NR3C2: variants seen among roughly 807,000 people sequenced by gnomAD.
NR3C2 encodes the protein nuclear receptor subfamily 3 group C member 2, also known as mineralocorticoid receptor.
In NR3C2, 15 loss-of-function variants were observed where a neutral mutation model predicts 86.4. The observed-to-expected ratio is 0.17, with a 90% CI of 0.12 to 0.27. The LOEUF (loss-of-function observed/expected upper bound fraction) is 0.27, where lower values mean the gene tolerates loss of function less well. Among genes scored for constraint, NR3C2 ranks in the 10% least tolerant of loss-of-function variants. The pLI, the probability that NR3C2 is intolerant of heterozygous loss-of-function variation, is 1.00. For missense variants in NR3C2, 960 were observed against 1,195.6 expected, an observed-to-expected ratio of 0.80 and a Z score of 2.91; for synonymous variants, 458 against 450.5, an observed-to-expected ratio of 1.02 and a Z score of -0.21.
At chr4:148,293,992 A>G (rs189308403) in intron 2 of NR3C2, among the ~76,000 whole-genome samples, 16 of 152,274 alleles carry the variant, frequency 1.1e-4, no homozygotes, top group Non-Finnish European at 1.9e-4. Flanking sequence ...CTTGTACTCA[A>G]AGCTGCTCTT....
intron 3 of NR3C2, among the ~76,000 whole-genome samples, chr4:148,255,307 CATAAAT>C (rs1266289127): frequency 6.6e-6 from 1 of 152,176 alleles, no homozygotes; most frequent in African/African-American, 2.4e-5. Context: ...AATACACAAT[CATAAAT>C]TTAAAGATCT....
In NR3C2 at chr4:148,440,073, G is replaced by A. The variant is rs964810569; in HGVS notation, c.-3+2087C>T. Reference sequence around the variant, plus strand: ...TGAAATCTAAATTACTTTGTTTAAGGTATTCTCATCTACCAACCTAATGCA... The same window carrying A: ...TGAAATCTAAATTACTTTGTTTAAGATATTCTCATCTACCAACCTAATGCA... On this transcript the variant is annotated intron_variant, in intron 1 of 8. Transcript: ENST00000358102. Among the ~76,000 whole-genome samples the A allele has an allele frequency of 5.3e-5, 8 of 152,256 alleles. No homozygotes were observed. In the South Asian group the frequency reaches 1.7e-3, roughly 32 times the overall value.
chr4:148,243,677 G>GA (rs1173754636), intron 3 of NR3C2, among the ~76,000 whole-genome samples: 3 of 152,138 alleles, frequency 2.0e-5, no homozygotes, highest in African/African-American at 7.2e-5. Flanking sequence ...TAACAGCTCA[G>GA]AACAGAGCTC....
At chr4:148,388,212 G>A (rs982592697) in intron 2 of NR3C2, among the ~76,000 whole-genome samples, 4 of 152,140 alleles carry the variant, frequency 2.6e-5, no homozygotes, top group African/African-American at 4.8e-5. Context: ...AGTATTTTAG[G>A]GAAAACAATA....
At chr4:148,147,224 T>G (rs183996107) in intron 6 of NR3C2, among the ~76,000 whole-genome samples, 1 of 152,366 alleles carries the variant, frequency 6.6e-6, no homozygotes, top group African/African-American at 2.4e-5. Context: ...CTTTCCTCCA[T>G]CTCCAGTGAT....
At chr4:148,125,163 GT>G (rs765819424) in intron 6 of NR3C2, among the ~76,000 whole-genome samples, 5 of 152,174 alleles carry the variant, frequency 3.3e-5, no homozygotes, top group Admixed American at 6.5e-5. Flanking sequence ...CATTTTACTT[GT>G]TCTGGAGCAG....
Position 148,367,793 on chromosome 4 carries a change from T to A in NR3C2, c.1757+67311A>T, listed in dbSNP as rs61762837. Among the ~76,000 whole-genome samples the A allele has an allele frequency of 4.2e-3, 555 of 131,534 alleles. 1 individual carries two copies. The highest frequency in any genetic ancestry group is 0.016 in the Middle Eastern group (4 of 256). The allele number at this position is 131,534 out of a possible 152,430, so 86.3% of individuals were successfully genotyped here. The stretch of plus-strand genomic sequence containing the variant: ...CAGTCTTTGAGGAAGAAATCCAATT[T>A]AAAAAAAAAAACATTGAAAACCTGT... On this transcript the variant is annotated intron_variant, in intron 2 of 8. Coordinates refer to ENST00000358102, the MANE Select transcript of NR3C2 (RefSeq NM_000901.5).
intron 2 of NR3C2, among the ~76,000 whole-genome samples, chr4:148,266,664 T>G (rs1740411142): frequency 6.6e-6 from 1 of 152,138 alleles, no homozygotes; most frequent in Non-Finnish European, 1.5e-5. Flanking sequence ...CTGGAATGTT[T>G]TAAGGAGTCA....
intron 2 of NR3C2, among the ~76,000 whole-genome samples, chr4:148,274,525 C>A (rs1406504538): frequency 6.6e-6 from 1 of 151,890 alleles, no homozygotes; most frequent in Non-Finnish European, 1.5e-5. Context: ...AAGTGTTGGG[C>A]AGCTCCCCCC....
chr4:148,360,891 C>A (rs1305168071), intron 2 of NR3C2, among the ~76,000 whole-genome samples: 2 of 152,116 alleles, frequency 1.3e-5, no homozygotes, highest in Admixed American at 6.5e-5. Flanking sequence ...ATGTTACACC[C>A]ATAAAGTCTG....
chr4:148,226,358 A>G (rs537269040), intron 3 of NR3C2, among the ~76,000 whole-genome samples: 1 of 152,324 alleles, frequency 6.6e-6, no homozygotes, highest in East Asian at 1.9e-4. Context: ...CTTGATGTAA[A>G]TGAACCATAC....
chr4:148,326,461 A>G (rs979557223), intron 2 of NR3C2, among the ~76,000 whole-genome samples: 5 of 152,068 alleles, frequency 3.3e-5, no homozygotes, highest in Non-Finnish European at 7.4e-5. Context: ...AAGCATCTGT[A>G]TAAGCTATTT....
intron 2 of NR3C2, among the ~76,000 whole-genome samples, chr4:148,374,367 A>G (rs1746570219): frequency 6.6e-6 from 1 of 152,198 alleles, no homozygotes; most frequent in Non-Finnish European, 1.5e-5. Context: ...ATTGGAAGCA[A>G]CTTCTAAGAA....
intron 2 of NR3C2, among the ~76,000 whole-genome samples, chr4:148,360,080 T>G (rs1745764750): frequency 6.6e-6 from 1 of 152,198 alleles, no homozygotes; most frequent in South Asian, 2.1e-4. Flanking sequence ...TGGAATTTTC[T>G]ATAGCAAGAC....
chr4:148,432,999 TC>T (rs1164505594), intron 2 of NR3C2, among the ~76,000 whole-genome samples: 10 of 152,130 alleles, frequency 6.6e-5, no homozygotes, highest in Admixed American at 6.6e-4. Flanking sequence ...GCAGAATGAA[TC>T]CCTGTTGACT....
At chr4:148,094,754 A>C (rs868455864) in intron 8 of NR3C2, among the ~76,000 whole-genome samples, 7 of 151,926 alleles carry the variant, frequency 4.6e-5, no homozygotes, top group South Asian at 2.1e-4. Flanking sequence ...CAAAAAAAAA[A>C]CAAAATATGT....
At chr4:148,427,601 G>A (rs774616254) in intron 2 of NR3C2, among the ~76,000 whole-genome samples, 1 of 151,920 alleles carries the variant, frequency 6.6e-6, no homozygotes, top group Non-Finnish European at 1.5e-5. Flanking sequence ...CCCAGCACGG[G>A]AGTCTGTGCC....
At chr4:148,114,348 GGTTA>G in intron 7 of NR3C2, 87 bp from the exon 8 acceptor site, 2 of 1,401,470 alleles carry the variant, frequency 1.4e-6, no homozygotes, top group Non-Finnish European at 2.0e-6. Context: ...CTGATTTTGA[GGTTA>G]GATACTAAAT....
In NR3C2 at chr4:148,154,861, G is replaced by T. The variant is rs772344575; in HGVS notation, c.2055C>A (p.His685Gln). The T allele has an allele frequency of 6.3e-6, 10 of 1,582,010 alleles. No homozygotes were observed. The African/African-American group carries it at 1.3e-4, about 21-fold the overall frequency. The change falls in exon 5 of 9, where the codon CAC becomes CAA. Residue 685 changes from histidine (H) to glutamine (Q), a missense_variant. Physicochemically the swap from His to Gln is conservative, Grantham distance 24. Transcript: ENST00000358102. ...GCTGCTGCTGCTGTGGCTGCTCCTCGTGAATCCCTTTTAACTTTCCCAACT... is the reference window on the plus strand; with the variant it reads ...GCTGCTGCTGCTGTGGCTGCTCCTCTTGAATCCCTTTTAACTTTCCCAACT... ...SKKLGKLKGIHEEQPQQQQPP... is the reference protein window; with the variant it reads ...SKKLGKLKGIQEEQPQQQQPP...
Sources: allele counts gnomAD v4.1 joint callset (sites outside exome capture counted in the v4.1 genomes callset), GRCh38; gene constraint gnomAD v4.1.1; transcripts MANE v1.5; gene names NCBI Gene and HGNC (gene_info 2026-07-23, HGNC 2026-07-21).